The following CNOT4 variants were observed in gnomAD, a reference collection of about 807,000 sequenced individuals.
The protein encoded by CNOT4 is CCR4-NOT transcription complex subunit 4, also known as CCR4-associated factor 4.
In CNOT4, 8 loss-of-function variants were observed where a neutral mutation model predicts 73.8. That is an observed-to-expected ratio of 0.11 (90% CI 0.06 to 0.20). The LOEUF (loss-of-function observed/expected upper bound fraction) is 0.20. Ranked by LOEUF, CNOT4 falls within the 10% of genes least tolerant of loss-of-function variation. The pLI is 1.00. For missense variants in CNOT4, 564 were observed against 883.4 expected (o/e 0.64, Z 4.58); for synonymous variants, 293 against 321.1 (o/e 0.91, Z 0.94).
intron 9 of CNOT4, among the ~76,000 whole-genome samples, chr7:135,395,338 A>G (rs987107304): frequency 1.3e-5 from 2 of 151,636 alleles, no homozygotes; most frequent in Non-Finnish European, 2.9e-5. Flanking sequence ...AGAGACCAAG[A>G]CCCCCACCTC....
chr7:135,452,433 G>C (rs1340906643), intron 1 of CNOT4, among the ~76,000 whole-genome samples: 1 of 152,120 alleles, frequency 6.6e-6, no homozygotes, highest in East Asian at 1.9e-4. Context: ...AGCCAAGCGT[G>C]GTGGCACACA....
rs138811689 is a variant in CNOT4 at position 135,496,707 on chromosome 7, A to G, written c.-93+13182T>C. On this transcript the variant is annotated intron_variant, in intron 1 of 11. Transcript: ENST00000541284. ...TTTGGATTCTGAGCCAAACTTTTCC[A>G]TCTTCCTTTTACCTCTCCTACTGTT... Among the ~76,000 whole-genome samples, 7 of 151,882 alleles carry G rather than the reference A, an allele frequency of 4.6e-5. No homozygotes were observed. In the East Asian group the frequency reaches 1.4e-3, roughly 30 times the overall value.
chr7:135,493,090 C>T (rs975999746), intron 1 of CNOT4, among the ~76,000 whole-genome samples: 3 of 152,114 alleles, frequency 2.0e-5, no homozygotes, highest in Non-Finnish European at 2.9e-5. Context: ...GACAACTGCC[C>T]CATCTCCAGG....
At chr7:135,461,827 G>A (rs1007068465) in intron 1 of CNOT4, among the ~76,000 whole-genome samples, 6 of 151,806 alleles carry the variant, frequency 4.0e-5, no homozygotes, top group South Asian at 2.1e-4. Flanking sequence ...GCGAGATCCC[G>A]TCCCAAAAAA....
chr7:135,367,474 C>T (rs4732123), intron 10 of CNOT4, among the ~76,000 whole-genome samples: 33,237 of 152,068 alleles, frequency 0.22, 4,200 homozygotes, highest in East Asian at 0.52. Context: ...ACACCTAATT[C>T]ATAACTAAAA....
At chr7:135,415,109 C>T in intron 4 of CNOT4, 67 bp downstream of exon 4, 1 of 924,292 alleles carries the variant, frequency 1.1e-6, no homozygotes, top group Non-Finnish European at 1.7e-6. Flanking sequence ...GCAAAGTTTC[C>T]TTTGGAACAG....
chr7:135,386,607 A>G (rs1176609107), intron 10 of CNOT4: 1 of 152,218 alleles, frequency 6.6e-6, no homozygotes, highest in Non-Finnish European at 1.5e-5. Flanking sequence ...ATAAAATATT[A>G]GGTAAGCAAA....
intron 1 of CNOT4, among the ~76,000 whole-genome samples, chr7:135,464,970 TG>T (rs2129486470): frequency 6.6e-6 from 1 of 152,182 alleles, no homozygotes; most frequent in South Asian, 2.1e-4. Flanking sequence ...TAATTTGAAT[TG>T]GAAGAGAATC....
chr7:135,419,307 G>A (rs946839007), intron 3 of CNOT4, among the ~76,000 whole-genome samples: 4 of 152,176 alleles, frequency 2.6e-5, no homozygotes, highest in Non-Finnish European at 4.4e-5. Context: ...ATCATCCAAA[G>A]ATAAGTAAAT....
chr7:135,395,011 C>T (rs1208914010), intron 9 of CNOT4, among the ~76,000 whole-genome samples: 1 of 151,932 alleles, frequency 6.6e-6, no homozygotes, highest in Admixed American at 6.6e-5. Flanking sequence ...ACTGTTACTA[C>T]TAAATAACTT....
intron 1 of CNOT4, among the ~76,000 whole-genome samples, chr7:135,484,857 A>G (rs1802615144): frequency 6.6e-6 from 1 of 152,198 alleles, no homozygotes; most frequent in Non-Finnish European, 1.5e-5. Flanking sequence ...CAATTGCTCC[A>G]AAGAAAATGA....
chr7:135,484,324 GAAAAT>G (rs1162059335), intron 1 of CNOT4, among the ~76,000 whole-genome samples: 3 of 152,008 alleles, frequency 2.0e-5, no homozygotes, highest in Non-Finnish European at 4.4e-5. Flanking sequence ...GCCAGCACAA[GAAAAT>G]AAAAGGCAAA....
At chr7:135,410,686 C>T in intron 6 of CNOT4, 38 bp from the exon 7 acceptor site, 1 of 1,534,932 alleles carries the variant, frequency 6.5e-7, no homozygotes, top group Non-Finnish European at 8.7e-7. Context: ...GTGGGATTCA[C>T]AAAATGGCTG....
chr7:135,478,449 T>C (rs1193873496), intron 1 of CNOT4, among the ~76,000 whole-genome samples: 1 of 152,146 alleles, frequency 6.6e-6, no homozygotes, highest in East Asian at 1.9e-4. Context: ...TAAATGATAT[T>C]ATAAGAATAG....
intron 1 of CNOT4, among the ~76,000 whole-genome samples, chr7:135,507,315 A>G (rs1209081975): frequency 6.6e-6 from 1 of 152,210 alleles, no homozygotes; most frequent in Non-Finnish European, 1.5e-5. Flanking sequence ...TCAACTACTC[A>G]ACCTGGCAGA....
In CNOT4 at chr7:135,422,315, G is replaced by A. The variant is rs1798237257; in HGVS notation, c.213C>T (p.Ser71=). ...PEDPAVYKPL[S]QEELQRIKNE... is the part of the protein sequence containing the mutation. ...TCTTTATCCTTTGCAGCTCTTCCTG[G>A]GAGAGTGGTTTATAAACTGCTGGGT... The change falls in exon 3 of 12, where the codon TCC becomes TCT. Residue 71 remains serine (S), a synonymous_variant. Coordinates refer to ENST00000541284, the MANE Select transcript of CNOT4 (RefSeq NM_001190850.2). 6.4e-7 allele frequency: 1 copy of A among 1,569,602 alleles called. No homozygotes were observed. Among genetic ancestry groups the A allele is most frequent in the African/African-American group, 1.4e-5 (1 of 73,766 alleles).
At position 135,364,270 on chromosome 7, in the gene CNOT4, A is replaced by G. The variant is rs1219747875; in HGVS notation, c.1628-204T>C. Among the ~76,000 whole-genome samples, 5 of 152,192 alleles carry G rather than the reference A, an allele frequency of 3.3e-5. No individual in the cohort carries two copies. Among genetic ancestry groups the G allele is most frequent in the Admixed American group, 6.5e-5 (1 of 15,286 alleles). ...CCCTGAAGTGAGGAAAAACTTGCTC[A>G]AGGATCAGGAGAGGGAGGTTCTTGT... On this transcript the variant is annotated intron_variant, in intron 10 of 11. Coordinates refer to ENST00000541284, the MANE Select transcript of CNOT4 (RefSeq NM_001190850.2). The surrounding 1 kb of genome is among the most constrained non-coding windows in gnomAD (Gnocchi z 4.3).
intron 2 of CNOT4, among the ~76,000 whole-genome samples, chr7:135,437,622 G>A (rs890677965): frequency 1.3e-5 from 2 of 152,156 alleles, no homozygotes; most frequent in African/African-American, 2.4e-5. Flanking sequence ...GTTTCCTTGA[G>A]TGTAAAATGG....
intron 1 of CNOT4, among the ~76,000 whole-genome samples, chr7:135,502,010 T>C (rs893309656): frequency 2.0e-5 from 3 of 152,182 alleles, no homozygotes; most frequent in African/African-American, 7.2e-5. Flanking sequence ...AAAAAGCAAG[T>C]TCTGCCCTCT....
Sources: gnomAD v4.1 joint callset for allele counts (sites outside exome capture counted in the v4.1 genomes callset) on GRCh38, gnomAD v4.1.1 for gene constraint, Gnocchi (gnomAD v3.1) non-coding constraint, MANE v1.5 for transcripts, NCBI Gene and HGNC (gene_info 2026-07-23, HGNC 2026-07-21) for gene names.